Variants in MICAL2 observed in about 807,000 individuals in gnomAD.
The protein encoded by MICAL2 is microtubule associated monooxygenase, calponin and LIM domain containing 2.
Under a neutral mutation model 127.3 loss-of-function variants are expected in MICAL2, and 77 were observed. The observed-to-expected ratio is 0.60, with a 90% CI of 0.50 to 0.73. MICAL2 has a LOEUF of 0.73. Ranked by LOEUF, MICAL2 falls within the 30% of genes least tolerant of loss-of-function variation. The probability of loss-of-function intolerance (pLI) is 0.00; values close to 1 mark genes in which losing one functional copy is unlikely to be tolerated. For missense variants in MICAL2, 1,351 were observed against 1,434.4 expected, an observed-to-expected ratio of 0.94 and a Z score of 0.94; for synonymous variants, 570 against 551.1, an observed-to-expected ratio of 1.03 and a Z score of -0.48.
chr11:12,248,519 G>A (rs746433720), intron 21 of MICAL2, among the ~76,000 whole-genome samples: 5 of 152,336 alleles, frequency 3.3e-5, no homozygotes, highest in Admixed American at 6.5e-5. Flanking sequence ...AGAAGGCACT[G>A]AGCGTTTGCA....
downstream of MICAL2, among the ~76,000 whole-genome samples, chr11:12,288,076 G>A (rs1039749507): frequency 3.5e-4 from 53 of 152,276 alleles, no homozygotes; most frequent in African/African-American, 1.3e-3. Flanking sequence ...ATCCCCAGAC[G>A]CACCACCGTC....
At chr11:12,267,193 A>G (rs1005431149), downstream of MICAL2, among the ~76,000 whole-genome samples, 1 of 152,100 alleles carries the variant, frequency 6.6e-6, no homozygotes, top group African/African-American at 2.4e-5. Context: ...TGCCTTAGTG[A>G]GTGCCCGAGT....
chr11:12,232,594 C>T (rs766073537), intron 15 of MICAL2, among the ~76,000 whole-genome samples: 4 of 152,084 alleles, frequency 2.6e-5, no homozygotes, highest in Non-Finnish European at 5.9e-5. Context: ...TGGTGGTGCA[C>T]ACCAGTAGTC....
intron 32 of MICAL2, among the ~76,000 whole-genome samples, chr11:12,340,319 T>C (rs1339588528): frequency 6.6e-6 from 1 of 152,116 alleles, no homozygotes; most frequent in Non-Finnish European, 1.5e-5. Context: ...ATACAAATAA[T>C]TCAGACTACA....
intron 3 of MICAL2, among the ~76,000 whole-genome samples, chr11:12,194,172 G>A (rs1859569548): frequency 6.6e-6 from 1 of 152,212 alleles, no homozygotes. Context: ...TCTGGGCTAG[G>A]AAAGTCTAGG....
downstream of MICAL2, among the ~76,000 whole-genome samples, chr11:12,265,865 C>G (rs1467424234): frequency 1.3e-5 from 2 of 152,170 alleles, no homozygotes; most frequent in Admixed American, 6.5e-5. Context: ...CCTGTAATCC[C>G]AGCACTTTGG....
At chr11:12,227,244 C>A (rs757455398) in intron 15 of MICAL2, 113 bp downstream of exon 15, 2 of 742,280 alleles carry the variant, frequency 2.7e-6, no homozygotes, top group Non-Finnish European at 4.5e-6. Context: ...ATGGATCAGG[C>A]GCTCCCGGAA....
chr11:12,236,021 T>C (rs1859001918), intron 15 of MICAL2, among the ~76,000 whole-genome samples, 156 bp from the exon 16 acceptor site: 1 of 152,164 alleles, frequency 6.6e-6, no homozygotes, highest in Admixed American at 6.5e-5. Context: ...TGCGGAGTCA[T>C]TTACTACCAC....
At chr11:12,222,893 C>A (rs997548046) in intron 11 of MICAL2, 150 bp downstream of exon 11, 4 of 995,552 alleles carry the variant, frequency 4.0e-6, no homozygotes, top group Non-Finnish European at 5.8e-6. Flanking sequence ...GTTCTTCTCC[C>A]CACTCGAGTC....
chr11:12,342,267 C>G (rs1938879152), intron 32 of MICAL2, among the ~76,000 whole-genome samples: 1 of 152,238 alleles, frequency 6.6e-6, no homozygotes, highest in Admixed American at 6.5e-5. Context: ...CCTGAAAGGG[C>G]TTTCCATGCA....
chr11:12,256,920 A>G lies in MICAL2; in HGVS notation c.3091A>G (p.Ile1031Val), dbSNP rs756411310. ...CCACCGGGAGTGTTTCCGCTGCAGC[A>G]TCTGTGCCACCACCTTGCGCCTGGC... ...FFHRECFRCS[I>V]CATTLRLAAY... The change falls in exon 24 of 28, where the codon ATC (isoleucine) becomes GTC (valine). Residue 1031 changes from isoleucine (I) to valine (V), a missense_variant. This residue lies in a region of MICAL2 where 752 missense variants were observed against 719.4 expected (regional missense o/e 1.05). Coordinates refer to ENST00000683283, the MANE Select transcript of MICAL2 (RefSeq NM_001282663.2). 3 of 1,614,164 alleles carry G rather than the reference A, an allele frequency of 1.9e-6. No homozygotes were observed. The highest frequency in any genetic ancestry group is 2.2e-5 in the South Asian group (2 of 91,080).
rs1851374713 is a variant in MICAL2 at position 12,131,047 on chromosome 11, A to C, written c.-148-7343A>C. Reference sequence around the variant, plus strand: ...GGTGGCTCACGCCTGTAATCCCAGCACTTTGGGAGGCCGAGGCGGGTGGAT... The same window carrying C: ...GGTGGCTCACGCCTGTAATCCCAGCCCTTTGGGAGGCCGAGGCGGGTGGAT... On this transcript the variant is annotated intron_variant, in intron 1 of 27. Coordinates refer to ENST00000683283, the MANE Select transcript of MICAL2 (RefSeq NM_001282663.2). Among the ~76,000 whole-genome samples, 2 of 31,980 alleles carry C rather than the reference A, an allele frequency of 6.3e-5. 1 individual carries two copies. The allele number at this position is 31,980 out of a possible 152,430, so 21.0% of individuals were successfully genotyped here.
chr11:12,283,055 A>T (rs1317796058), intron 2 of MICAL2, among the ~76,000 whole-genome samples: 1 of 152,186 alleles, frequency 6.6e-6, no homozygotes, highest in African/African-American at 2.4e-5. Flanking sequence ...ACTCTCAAAC[A>T]ATTCTTTGTC....
downstream of MICAL2, among the ~76,000 whole-genome samples, chr11:12,297,122 T>C (rs768552403): frequency 1.3e-5 from 2 of 152,166 alleles, no homozygotes; most frequent in Non-Finnish European, 2.9e-5. Context: ...TTGATAGATA[T>C]TGTCAACTTG....
At chr11:12,239,696 A>AAGTCTC in intron 17 of MICAL2, 111 bp downstream of exon 17, 4 of 1,286,408 alleles carry the variant, frequency 3.1e-6, no homozygotes, top group Non-Finnish European at 4.2e-6. Flanking sequence ...TCCCAAGGAG[A>AAGTCTC]CTTGAGCTCC....
intron 3 of MICAL2, among the ~76,000 whole-genome samples, chr11:12,197,046 A>G (rs1860028576): frequency 6.6e-6 from 1 of 152,226 alleles, no homozygotes; most frequent in African/African-American, 2.4e-5. Context: ...GTAATACCAA[A>G]CAATCCAGCA....
chr11:12,260,168 G>A (rs750675895), intron 26 of MICAL2: 39 of 1,502,206 alleles, frequency 2.6e-5, no homozygotes, highest in Middle Eastern at 1.7e-4. Flanking sequence ...GTCAAGCTCC[G>A]CTGACATGGC....
intron 9 of MICAL2, among the ~76,000 whole-genome samples, chr11:12,221,433 C>A (rs1590426926): frequency 1.3e-5 from 2 of 152,212 alleles, no homozygotes; most frequent in Non-Finnish European, 2.9e-5. Context: ...TTTTGCTATG[C>A]CTGCGTCATA....
intron 1 of MICAL2, among the ~76,000 whole-genome samples, chr11:12,121,214 C>T (rs535663034): frequency 9.2e-5 from 14 of 152,326 alleles, no homozygotes; most frequent in Admixed American, 2.0e-4. Flanking sequence ...TTCACCACCT[C>T]GCTGCGGGCT....
Sources: gnomAD v4.1 joint callset for allele counts (sites outside exome capture counted in the v4.1 genomes callset) on GRCh38, gnomAD v4.1.1 for gene constraint, gnomAD v4.1.1 regional missense constraint, MANE v1.5 for transcripts, NCBI Gene and HGNC (gene_info 2026-07-23, HGNC 2026-07-21) for gene names.